RCL1: variants seen among roughly 807,000 people sequenced by gnomAD.
RCL1 encodes RNA terminal phosphate cyclase like 1.
RCL1 carries 24 observed loss-of-function variants against 42.4 expected under a neutral mutation model. The ratio of observed to expected loss-of-function variants is 0.57; its 90% CI spans 0.41 to 0.80. The LOEUF (loss-of-function observed/expected upper bound fraction) is 0.80, where lower values mean the gene tolerates loss of function less well. Among genes scored for constraint, RCL1 ranks in the 30% least tolerant of loss-of-function variants. RCL1 has a pLI of 0.00. For missense variants in RCL1, 578 were observed against 467.9 expected (o/e 1.24, Z -2.17); for synonymous variants, 228 against 177.3 (o/e 1.29, Z -2.27).
chr9:4,816,983 A>AT (rs1317324196), intron 1 of RCL1, among the ~76,000 whole-genome samples: 2 of 151,960 alleles, frequency 1.3e-5, no homozygotes, highest in East Asian at 1.9e-4. Context: ...TGCCCAGCTA[A>AT]TTTTTTTGTA....
intron 1 of RCL1, among the ~76,000 whole-genome samples, chr9:4,796,555 C>G (rs1344640128): frequency 6.6e-6 from 1 of 152,026 alleles, no homozygotes; most frequent in Non-Finnish European, 1.5e-5. Context: ...ACCACAGCAT[C>G]TAGTTGATTT....
intron 8 of RCL1, among the ~76,000 whole-genome samples, chr9:4,851,718 A>G (rs921014585): frequency 6.6e-5 from 9 of 136,628 alleles, no homozygotes; most frequent in African/African-American, 2.5e-4. Context: ...GAAAACCAGA[A>G]GCAAGACCTT....
intron 3 of RCL1, among the ~76,000 whole-genome samples, chr9:4,832,694 G>C (rs1396860125): frequency 6.6e-6 from 1 of 150,678 alleles, no homozygotes; most frequent in Non-Finnish European, 1.5e-5. Context: ...TGTAGTCCCA[G>C]CTACTCAGGA....
intron 3 of RCL1, among the ~76,000 whole-genome samples, chr9:4,831,793 C>G (rs1170072865): frequency 1.3e-5 from 2 of 152,240 alleles, no homozygotes; most frequent in African/African-American, 2.4e-5. Context: ...ATTCCTAAGT[C>G]TGGTATTTTT....
chr9:4,827,759 C>T (rs79253908), intron 3 of RCL1, among the ~76,000 whole-genome samples: 131 of 44,988 alleles, frequency 2.9e-3, no homozygotes, highest in South Asian at 0.02. Flanking sequence ...TGTGTGTGCA[C>T]GCGTGTGTGT....
At position 4,816,337 on chromosome 9, in the gene RCL1, C is replaced by T. The variant is rs1170586260; in HGVS notation, c.137-7211C>T. On this transcript the variant is annotated intron_variant, in intron 1 of 8. Coordinates refer to ENST00000381750, the MANE Select transcript of RCL1 (RefSeq NM_005772.5). Reference sequence around the variant, plus strand: ...AACAATACTTCATAGTTTTAATATCCAATTTATAAATCTTGCCTATCCTTT... The same window carrying T: ...AACAATACTTCATAGTTTTAATATCTAATTTATAAATCTTGCCTATCCTTT... Among the ~76,000 whole-genome samples, 13 of 152,220 alleles carry T rather than the reference C, an allele frequency of 8.5e-5. No homozygotes were observed. In the Middle Eastern group the frequency reaches 0.01, roughly 119 times the overall value.
chr9:4,803,304 A>G (rs1325253182), intron 1 of RCL1, among the ~76,000 whole-genome samples: 1 of 152,226 alleles, frequency 6.6e-6, no homozygotes, highest in Non-Finnish European at 1.5e-5. Context: ...ACCAAGCACC[A>G]TTATTTAGGA....
At chr9:4,820,088 A>G (rs953969483) in intron 1 of RCL1, among the ~76,000 whole-genome samples, 3 of 152,136 alleles carry the variant, frequency 2.0e-5, no homozygotes, top group Non-Finnish European at 4.4e-5. Context: ...ATTGACTTTG[A>G]TTCTCTTTAT....
chr9:4,828,439 T>A (rs1012412014), intron 3 of RCL1, among the ~76,000 whole-genome samples: 4 of 152,148 alleles, frequency 2.6e-5, no homozygotes, highest in Non-Finnish European at 5.9e-5. Flanking sequence ...TCTTGGAAAT[T>A]CAGCTGCATA....
Position 4,793,213 on chromosome 9 carries a change from A to G in RCL1, c.122A>G (p.Asn41Ser), listed in dbSNP as rs1842858449. The change falls in exon 1 of 9, where the codon AAC becomes AGC. Residue 41 changes from asparagine to serine, a missense_variant. Asn to Ser is a conservative substitution (Grantham distance 46). Transcript: ENST00000381750. ...CGAAAGATTCGGGCCAGAGACGACAACCCGGGCCTCCGAGGTAACTTGGTG... is the reference window on the plus strand; with the variant it reads ...CGAAAGATTCGGGCCAGAGACGACAGCCCGGGCCTCCGAGGTAACTTGGTG... ...KIRKIRARDD[N>S]PGLRDFEASF... 3 of 1,601,372 alleles carry G rather than the reference A, an allele frequency of 1.9e-6. No homozygotes were observed. The highest frequency in any genetic ancestry group is 2.6e-6 in the Non-Finnish European group (3 of 1,174,198).
At chr9:4,855,989 G>A (rs953765861) in intron 8 of RCL1, among the ~76,000 whole-genome samples, 1 of 152,156 alleles carries the variant, frequency 6.6e-6, no homozygotes, top group African/African-American at 2.4e-5. Flanking sequence ...AAGCACAGTT[G>A]AGTGATTCAG....
chr9:4,808,821 T>C (rs543503055), intron 1 of RCL1, among the ~76,000 whole-genome samples: 241 of 152,324 alleles, frequency 1.6e-3, no homozygotes, highest in African/African-American at 5.4e-3. Context: ...AAGCATGATA[T>C]CTAGAAAAGT....
chr9:4,852,709 C>G (rs1160772501), intron 8 of RCL1, among the ~76,000 whole-genome samples: 3 of 151,522 alleles, frequency 2.0e-5, no homozygotes, highest in East Asian at 3.9e-4. Context: ...GTGCTGGGTG[C>G]TGTGGTTCCT....
chr9:4,813,023 C>G (rs964777587), intron 1 of RCL1, among the ~76,000 whole-genome samples: 3 of 152,170 alleles, frequency 2.0e-5, no homozygotes, highest in Admixed American at 6.5e-5. Flanking sequence ...ACGGGAACAG[C>G]TTAACTTCCT....
intron 2 of RCL1, among the ~76,000 whole-genome samples, chr9:4,824,363 C>T (rs1489136553): frequency 1.4e-5 from 2 of 142,620 alleles, no homozygotes; most frequent in Non-Finnish European, 1.5e-5. Flanking sequence ...TCATATTGTT[C>T]TTCAGCCAGC....
At chr9:4,796,815 G>C (rs978156664) in intron 1 of RCL1, among the ~76,000 whole-genome samples, 1 of 151,656 alleles carries the variant, frequency 6.6e-6, no homozygotes, top group African/African-American at 2.4e-5. Context: ...TTGGTATTGT[G>C]AATAGTGCTG....
intron 1 of RCL1, among the ~76,000 whole-genome samples, chr9:4,814,285 T>A (rs977326774): frequency 4.0e-5 from 6 of 149,586 alleles, no homozygotes; most frequent in South Asian, 4.2e-4. Flanking sequence ...TTTTGAAATT[T>A]AAAAAAATTT....
chr9:4,815,812 C>T (rs1293019642), intron 1 of RCL1, among the ~76,000 whole-genome samples: 1 of 152,124 alleles, frequency 6.6e-6, no homozygotes, highest in Non-Finnish European at 1.5e-5. Context: ...ATGAGGACTG[C>T]AGGGTTCCTC....
At chr9:4,824,374 ATTTTTTTTT>A (rs71326141) in intron 2 of RCL1, among the ~76,000 whole-genome samples, 7 of 120,298 alleles carry the variant, frequency 5.8e-5, no homozygotes, top group Non-Finnish European at 8.5e-5. Context: ...TTCAGCCAGC[ATTTTTTTTT>A]TTTTTTTTTT....
Sources: allele counts gnomAD v4.1 joint callset (sites outside exome capture counted in the v4.1 genomes callset), GRCh38; gene constraint gnomAD v4.1.1; transcripts MANE v1.5; gene names NCBI Gene and HGNC (gene_info 2026-07-23, HGNC 2026-07-21).